TRABD2B: variants seen among roughly 807,000 people sequenced by gnomAD.
The protein encoded by TRABD2B is metalloprotease TIKI2.
A neutral mutation model predicts 40.1 loss-of-function variants in TRABD2B; 14 were observed. That is an observed-to-expected ratio of 0.35 (90% CI 0.23 to 0.55). The LOEUF (loss-of-function observed/expected upper bound fraction) is 0.55. Among genes scored for constraint, TRABD2B ranks in the 20% least tolerant of loss-of-function variants. TRABD2B has a pLI of 0.90. For missense variants in TRABD2B, 541 were observed against 648.6 expected (o/e 0.83, Z 1.80); for synonymous variants, 263 against 277.0 (o/e 0.95, Z 0.50).
intron 2 of TRABD2B, among the ~76,000 whole-genome samples, chr1:47,986,013 C>T (rs1247995745): frequency 6.6e-6 from 1 of 152,154 alleles, no homozygotes; most frequent in African/African-American, 2.4e-5. Context: ...TACAGCTCAG[C>T]AACCCTGGTG....
At chr1:47,792,513 T>A (rs1366124052) in intron 4 of TRABD2B, among the ~76,000 whole-genome samples, 2 of 152,098 alleles carry the variant, frequency 1.3e-5, no homozygotes, top group Non-Finnish European at 2.9e-5. Flanking sequence ...TGGTGGCCTG[T>A]CAACAGGATT....
At chr1:47,853,700 C>G (rs1643862427) in intron 2 of TRABD2B, among the ~76,000 whole-genome samples, 1 of 152,178 alleles carries the variant, frequency 6.6e-6, no homozygotes, top group Non-Finnish European at 1.5e-5. Flanking sequence ...TCCACCCATC[C>G]AATATTTATT....
intron 2 of TRABD2B, among the ~76,000 whole-genome samples, chr1:47,902,480 A>G (rs982833663): frequency 1.3e-5 from 2 of 152,102 alleles, no homozygotes; most frequent in African/African-American, 4.8e-5. Context: ...GCACTGGGCA[A>G]CTCGACTTCC....
chr1:47,895,036 G>A (rs1162232030), intron 2 of TRABD2B, among the ~76,000 whole-genome samples: 1 of 152,122 alleles, frequency 6.6e-6, no homozygotes, highest in Non-Finnish European at 1.5e-5. Context: ...ATCTAAAAAC[G>A]CATCTCAAAG....
chr1:47,777,803 TG>T (rs1237152119), intron 5 of TRABD2B, among the ~76,000 whole-genome samples: 1 of 152,174 alleles, frequency 6.6e-6, no homozygotes, highest in Non-Finnish European at 1.5e-5. Flanking sequence ...TGGCTCTCGC[TG>T]ACACCTCTCA....
At chr1:47,770,573 G>A (rs1231363445) in intron 6 of TRABD2B, among the ~76,000 whole-genome samples, 1 of 152,226 alleles carries the variant, frequency 6.6e-6, no homozygotes, top group Non-Finnish European at 1.5e-5. Context: ...TGGGCCCAGA[G>A]AGGAAACGGG....
intron 2 of TRABD2B, among the ~76,000 whole-genome samples, chr1:47,855,219 T>C (rs538703175): frequency 6.5e-4 from 99 of 152,370 alleles, no homozygotes; most frequent in African/African-American, 2.3e-3. Context: ...ACATTGATCT[T>C]CCAATATATT....
intron 2 of TRABD2B, among the ~76,000 whole-genome samples, chr1:47,884,325 T>G (rs1644343004): frequency 6.6e-6 from 1 of 152,206 alleles, no homozygotes; most frequent in Admixed American, 6.5e-5. Context: ...CTCTCCAAGT[T>G]CTGGACAGTG....
chr1:47,872,383 C>T (rs1180788228), intron 2 of TRABD2B, among the ~76,000 whole-genome samples: 1 of 152,184 alleles, frequency 6.6e-6, no homozygotes, highest in African/African-American at 2.4e-5. Flanking sequence ...TCCCTGCCAC[C>T]TCCGGGAGAC....
At position 47,994,546 on chromosome 1, in the gene TRABD2B, A is replaced by G; in HGVS notation, c.154T>C (p.Tyr52His). The change falls in exon 2 of 7, where the codon TAC (tyrosine) becomes CAC (histidine). Residue 52 changes from tyrosine (Y) to histidine (H), a missense_variant. Coordinates refer to ENST00000606738, the MANE Select transcript of TRABD2B (RefSeq NM_001194986.2). The surrounding 1 kb of genome is among the most constrained non-coding windows in gnomAD (Gnocchi z 6.7). Reference sequence around the variant, plus strand: ...GGGACGTGAATAGTGCCAAACAGGTAGGCCGGAGGATCACGCCGAATCGTC... The same window carrying G: ...GGGACGTGAATAGTGCCAAACAGGTGGGCCGGAGGATCACGCCGAATCGTC... Reference protein sequence around the residue: ...LWTIRRDPPAYLFGTIHVPYT... With the variant: ...LWTIRRDPPAHLFGTIHVPYT... The G allele has an allele frequency of 6.5e-7, 1 of 1,536,106 alleles. No homozygotes were observed. The highest frequency in any genetic ancestry group is 8.7e-7 in the Non-Finnish European group (1 of 1,146,910).
At position 47,916,772 on chromosome 1, in the gene TRABD2B, TCTC is replaced by T. The variant is rs200685686; in HGVS notation, c.666+77259_666+77261del. Among the ~76,000 whole-genome samples the T allele has an allele frequency of 7.7e-3, 1,171 of 152,288 alleles. 25 individuals carry two copies. The highest frequency in any genetic ancestry group is 0.027 in the African/African-American group (1,123 of 41,560). On this transcript the variant is annotated intron_variant, in intron 2 of 6. Transcript: ENST00000606738. Reference sequence around the variant, plus strand: ...TTCTAACGCCTTCCCACCTGGCTCTTCTCCTTCTCTATTCAAACCCACTTCACA... The same window carrying T: ...TTCTAACGCCTTCCCACCTGGCTCTTCTTCTCTATTCAAACCCACTTCACA...
chr1:47,958,330 T>C (rs938616999), intron 2 of TRABD2B, among the ~76,000 whole-genome samples: 2 of 144,794 alleles, frequency 1.4e-5, no homozygotes, highest in African/African-American at 5.1e-5. Context: ...GCTAACATCA[T>C]AATGACAGGA....
intron 2 of TRABD2B, among the ~76,000 whole-genome samples, chr1:47,960,959 C>T (rs1206755785): frequency 6.6e-6 from 1 of 152,118 alleles, no homozygotes; most frequent in African/African-American, 2.4e-5. Flanking sequence ...TGACTTCAAA[C>T]TATACTACAA....
At chr1:47,932,908 C>T (rs1645057956) in intron 2 of TRABD2B, among the ~76,000 whole-genome samples, 1 of 152,204 alleles carries the variant, frequency 6.6e-6, no homozygotes, top group Non-Finnish European at 1.5e-5. Context: ...GCAGTTGATA[C>T]TGGGGTTCTT....
chr1:47,904,777 C>G (rs909983036), intron 2 of TRABD2B, among the ~76,000 whole-genome samples: 9 of 152,212 alleles, frequency 5.9e-5, no homozygotes, highest in East Asian at 3.9e-4. Flanking sequence ...GAAATTCCAC[C>G]ATTAACACTG....
chr1:47,773,844 G>A (rs959715145), intron 6 of TRABD2B, among the ~76,000 whole-genome samples: 17 of 152,156 alleles, frequency 1.1e-4, no homozygotes, highest in African/African-American at 3.9e-4. Context: ...GGATCAATGG[G>A]CTTGACTCTT....
chr1:47,989,659 A>G (rs896955927), intron 2 of TRABD2B, among the ~76,000 whole-genome samples: 5 of 152,086 alleles, frequency 3.3e-5, no homozygotes, highest in Non-Finnish European at 7.4e-5. Context: ...CTTGAGATCC[A>G]ATTTATAAGT....
At chr1:47,874,321 G>A (rs1214070493) in intron 2 of TRABD2B, among the ~76,000 whole-genome samples, 10 of 136,808 alleles carry the variant, frequency 7.3e-5, no homozygotes, top group South Asian at 2.3e-4. Context: ...TGCGGACTGC[G>A]GACTGCAGTG....
chr1:47,879,945 C>A (rs1028032534), intron 2 of TRABD2B, among the ~76,000 whole-genome samples: 2 of 152,218 alleles, frequency 1.3e-5, no homozygotes, highest in African/African-American at 4.8e-5. Flanking sequence ...TGTGTTGATT[C>A]TTTGTCTGGA....
Sources: gnomAD v4.1 joint callset for allele counts (sites outside exome capture counted in the v4.1 genomes callset) on GRCh38, gnomAD v4.1.1 for gene constraint, Gnocchi (gnomAD v3.1) non-coding constraint, MANE v1.5 for transcripts, NCBI Gene and HGNC (gene_info 2026-07-23, HGNC 2026-07-21) for gene names.